Variants in BMP6 observed in about 807,000 individuals in gnomAD.
The protein encoded by BMP6 is VG-1-R.
BMP6 carries 17 observed loss-of-function variants against 54.1 expected under a neutral mutation model. The observed-to-expected ratio is 0.31, with a 90% CI of 0.22 to 0.47. The LOEUF is 0.47. Among genes scored for constraint, BMP6 ranks in the 20% least tolerant of loss-of-function variants. The probability of loss-of-function intolerance (pLI) is 1.00; values close to 1 mark genes in which losing one functional copy is unlikely to be tolerated. For synonymous variants in BMP6, 328 were observed against 291.2 expected, an observed-to-expected ratio of 1.13 and a Z score of -1.28; for missense variants, 720 against 690.4, an observed-to-expected ratio of 1.04 and a Z score of -0.48.
intron 1 of BMP6, among the ~76,000 whole-genome samples, chr6:7,777,865 C>G (rs1757885374): frequency 6.6e-6 from 1 of 152,094 alleles, no homozygotes; most frequent in Non-Finnish European, 1.5e-5. Flanking sequence ...GCGACAAACA[C>G]TCTTTAGAGC....
chr6:7,863,352 ATC>A (rs1292220279), intron 4 of BMP6, among the ~76,000 whole-genome samples: 35 of 152,244 alleles, frequency 2.3e-4, no homozygotes, highest in African/African-American at 7.9e-4. Context: ...ATAATCAGGA[ATC>A]TCTCTCTTTT....
chr6:7,786,472 T>C (rs1483111237), intron 1 of BMP6, among the ~76,000 whole-genome samples: 1 of 151,810 alleles, frequency 6.6e-6, no homozygotes, highest in African/African-American at 2.4e-5. Context: ...TTTTTTTTTT[T>C]TTTTTTTTTA....
intron 1 of BMP6, among the ~76,000 whole-genome samples, chr6:7,798,572 G>A (rs991695497): frequency 6.6e-6 from 1 of 152,186 alleles, no homozygotes; most frequent in Admixed American, 6.5e-5. Context: ...CCAACAGTCT[G>A]CTTCCTACTT....
intron 2 of BMP6, among the ~76,000 whole-genome samples, chr6:7,847,007 TA>T (rs1048810018): frequency 3.3e-5 from 5 of 152,162 alleles, no homozygotes; most frequent in Non-Finnish European, 7.3e-5. Context: ...GACTGGCATT[TA>T]AAAAAATTGT....
At chr6:7,827,198 C>A (rs1758710401) in intron 1 of BMP6, among the ~76,000 whole-genome samples, 1 of 152,204 alleles carries the variant, frequency 6.6e-6, no homozygotes, top group Non-Finnish European at 1.5e-5. Context: ...CGCCATGTAG[C>A]CCCACCCTGT....
chr6:7,729,683 C>G (rs1280535745), intron 1 of BMP6, among the ~76,000 whole-genome samples: 1 of 152,066 alleles, frequency 6.6e-6, no homozygotes, highest in Non-Finnish European at 1.5e-5. Flanking sequence ...CAGGAGATCC[C>G]AATGTCTGAA....
At chr6:7,733,264 G>A (rs1213031045) in intron 1 of BMP6, among the ~76,000 whole-genome samples, 1 of 152,088 alleles carries the variant, frequency 6.6e-6, no homozygotes, top group Non-Finnish European at 1.5e-5. Context: ...TTTCTACTTC[G>A]ATCTTTATTC....
intron 4 of BMP6, 109 bp downstream of exon 4, chr6:7,862,607 A>C: frequency 7.2e-7 from 1 of 1,391,140 alleles, no homozygotes; most frequent in Non-Finnish European, 9.9e-7. Flanking sequence ...AGCAAATCCA[A>C]AGGCAAATAG....
intron 1 of BMP6, among the ~76,000 whole-genome samples, chr6:7,829,757 G>A (rs1367744416): frequency 1.3e-5 from 2 of 152,130 alleles, no homozygotes; most frequent in Admixed American, 1.3e-4. Context: ...CGTCTGCAGA[G>A]CATTTTGGTC....
At chr6:7,865,944 AG>A (rs1380417278) in intron 4 of BMP6, among the ~76,000 whole-genome samples, 2 of 152,312 alleles carry the variant, frequency 1.3e-5, no homozygotes, top group East Asian at 3.9e-4. Context: ...AGGAAATAAG[AG>A]GCTATTTTTG....
At chr6:7,858,891 A>G (rs1372220876) in intron 2 of BMP6, among the ~76,000 whole-genome samples, 6 of 151,404 alleles carry the variant, frequency 4.0e-5, no homozygotes, top group African/African-American at 1.2e-4. Context: ...ACTAGACTGC[A>G]CTTGTTGACC....
intron 1 of BMP6, 90 bp downstream of exon 1, chr6:7,727,709 C>T (rs1026689152): frequency 7.4e-5 from 100 of 1,356,788 alleles, no homozygotes; most frequent in Non-Finnish European, 8.9e-5. Flanking sequence ...TGGAGGAGCT[C>T]CCGGCGCGCG....
intron 1 of BMP6, among the ~76,000 whole-genome samples, chr6:7,837,770 G>C (rs1758896725): frequency 6.6e-6 from 1 of 151,808 alleles, no homozygotes; most frequent in Admixed American, 6.6e-5. Flanking sequence ...AACACGACTT[G>C]TTCCCCCAAA....
intron 4 of BMP6, 142 bp from the exon 5 acceptor site, chr6:7,878,932 G>C (rs1759665866): frequency 1.3e-6 from 1 of 793,064 alleles, no homozygotes; most frequent in East Asian, 2.4e-5. Context: ...ACCTGATGTA[G>C]CTGTTGGGTG....
At chr6:7,826,435 A>G (rs1758699415) in intron 1 of BMP6, among the ~76,000 whole-genome samples, 1 of 152,182 alleles carries the variant, frequency 6.6e-6, no homozygotes, top group African/African-American at 2.4e-5. Context: ...GCCTTTTGTC[A>G]GCCCAGGTTT....
rs150485198 is a variant in BMP6, at chr6:7,756,468, GT to G, written c.664+28851del. Among the ~76,000 whole-genome samples the G allele has an allele frequency of 2.7e-3, 417 of 152,088 alleles. 5 individuals carry two copies. Among genetic ancestry groups the G allele is most frequent in the East Asian group, 0.026 (136 of 5,180 alleles). ...TTTCCTTAGTCATTCTATCACCTCT[GT>G]TATTTCTGAGTCTGTTTTTATGGAT... On this transcript the variant is annotated intron_variant, in intron 1 of 6. Coordinates refer to ENST00000283147, the MANE Select transcript of BMP6 (RefSeq NM_001718.6).
chr6:7,745,975 AAGAG>A (rs146822215), intron 1 of BMP6, among the ~76,000 whole-genome samples: 10 of 151,870 alleles, frequency 6.6e-5, no homozygotes, highest in Non-Finnish European at 1.5e-4. Context: ...TCAAGAAAAA[AAGAG>A]AGAGAGAGAA....
At chr6:7,811,817 T>A (rs964257382) in intron 1 of BMP6, among the ~76,000 whole-genome samples, 2 of 152,234 alleles carry the variant, frequency 1.3e-5, no homozygotes, top group Non-Finnish European at 2.9e-5. Context: ...GAATGCTTTC[T>A]GCAGATAACT....
intron 1 of BMP6, among the ~76,000 whole-genome samples, chr6:7,732,965 C>T (rs1250205450): frequency 1.3e-5 from 2 of 151,304 alleles, no homozygotes; most frequent in African/African-American, 2.4e-5. Flanking sequence ...GGCGAGATCT[C>T]GGCTCACTGC....
Sources: allele counts gnomAD v4.1 joint callset (sites outside exome capture counted in the v4.1 genomes callset), GRCh38; gene constraint gnomAD v4.1.1; transcripts MANE v1.5; gene names NCBI Gene and HGNC (gene_info 2026-07-23, HGNC 2026-07-21).